Variants in FOXP1 observed in about 807,000 individuals in gnomAD.
FOXP1 encodes the protein forkhead box P1.
Under a neutral mutation model 98.2 loss-of-function variants are expected in FOXP1, and 15 were observed. The ratio of observed to expected loss-of-function variants is 0.15; its 90% CI spans 0.10 to 0.24. The LOEUF is 0.24. Among genes scored for constraint, FOXP1 ranks in the 10% least tolerant of loss-of-function variants. The probability of loss-of-function intolerance (pLI) is 1.00; values close to 1 mark genes in which losing one functional copy is unlikely to be tolerated. For missense variants in FOXP1, 633 were observed against 848.5 expected (o/e 0.75, Z 3.15); for synonymous variants, 371 against 314.5 (o/e 1.18, Z -1.90).
At chr3:71,194,316 G>C (rs888451890) in intron 6 of FOXP1, among the ~76,000 whole-genome samples, 5 of 151,432 alleles carry the variant, frequency 3.3e-5, no homozygotes, top group Non-Finnish European at 7.4e-5. Flanking sequence ...TCATTAAATG[G>C]AATGTTGTTA....
chr3:71,081,193 G>A (rs979854408), intron 7 of FOXP1, among the ~76,000 whole-genome samples: 8 of 152,186 alleles, frequency 5.3e-5, no homozygotes, highest in Non-Finnish European at 1.0e-4. Flanking sequence ...TTCAGATCCC[G>A]TGGCAATCTG....
In FOXP1 at chr3:71,564,195, T is replaced by C. The variant is rs551028961; in HGVS notation, c.-298+17354A>G. ...CAGCAATAAGGTAATTAACCTGATGTTCCAAAGCTCATGCCACATATACAA... is the reference window on the plus strand; with the variant it reads ...CAGCAATAAGGTAATTAACCTGATGCTCCAAAGCTCATGCCACATATACAA... On this transcript the variant is annotated intron_variant, in intron 2 of 20. Transcript: ENST00000649528. Among the ~76,000 whole-genome samples the C allele has an allele frequency of 5.9e-5, 9 of 152,344 alleles. No homozygotes were observed. In the East Asian group the frequency reaches 1.3e-3, roughly 23 times the overall value.
intron 6 of FOXP1, among the ~76,000 whole-genome samples, chr3:71,160,998 G>A (rs2061105802): frequency 6.6e-6 from 1 of 152,160 alleles, no homozygotes; most frequent in Non-Finnish European, 1.5e-5. Context: ...CAGGTACAAA[G>A]CATAGAGTAT....
chr3:71,363,762 A>G (rs567403352), intron 3 of FOXP1, among the ~76,000 whole-genome samples: 3 of 152,206 alleles, frequency 2.0e-5, no homozygotes, highest in Non-Finnish European at 4.4e-5. Context: ...GCTGGAATGC[A>G]TTTCCCAGCA....
chr3:71,108,172 A>C (rs2057599694), intron 7 of FOXP1, among the ~76,000 whole-genome samples: 8 of 152,208 alleles, frequency 5.3e-5, no homozygotes, highest in Admixed American at 5.2e-4. Flanking sequence ...TTTCTTTCCT[A>C]ACTTTAATGC....
chr3:71,155,258 C>T (rs1357971338), intron 6 of FOXP1, among the ~76,000 whole-genome samples: 6 of 152,152 alleles, frequency 3.9e-5, no homozygotes, highest in Non-Finnish European at 1.5e-5. Context: ...TGCTCGGGTG[C>T]CCTCTGAAAC....
intron 6 of FOXP1, among the ~76,000 whole-genome samples, chr3:71,161,491 C>T (rs908251101): frequency 1.3e-5 from 2 of 152,232 alleles, no homozygotes; most frequent in African/African-American, 4.8e-5. Context: ...AGCCACCAGG[C>T]TTGGAACTGG....
chr3:70,983,303 T>C (rs188348826), intron 14 of FOXP1, among the ~76,000 whole-genome samples: 20 of 152,230 alleles, frequency 1.3e-4, no homozygotes, highest in African/African-American at 4.6e-4. Flanking sequence ...GGGCACTTAA[T>C]GAAAAACAGT....
At position 71,300,141 on chromosome 3, in the gene FOXP1, C is replaced by T. The variant is rs11928369; in HGVS notation, c.-72-261G>A. On this transcript the variant is annotated intron_variant, in intron 4 of 20. Coordinates refer to ENST00000649528, the MANE Select transcript of FOXP1 (RefSeq NM_001349338.3). ...ATGTTGTGTATCAACTTTTTCTCAT[C>T]TTGTTGTCTATCGATTTATTTTCAT... Among the ~76,000 whole-genome samples, 523 of 152,244 alleles carry T rather than the reference C, an allele frequency of 3.4e-3. 3 individuals are homozygous for T. The highest frequency in any genetic ancestry group is 0.012 in the African/African-American group (504 of 41,552).
chr3:71,251,728 G>C (rs2068204869), intron 5 of FOXP1, among the ~76,000 whole-genome samples: 1 of 152,208 alleles, frequency 6.6e-6, no homozygotes, highest in African/African-American at 2.4e-5. Flanking sequence ...TACCCACACT[G>C]TCTTGATACC....
At chr3:71,330,659 T>C (rs2076235773) in intron 4 of FOXP1, among the ~76,000 whole-genome samples, 1 of 152,228 alleles carries the variant, frequency 6.6e-6, no homozygotes, top group African/African-American at 2.4e-5. Context: ...TAATAGTAGA[T>C]TGCCTTAATA....
chr3:71,047,470 G>C (rs1015913254), intron 9 of FOXP1, among the ~76,000 whole-genome samples: 1 of 152,192 alleles, frequency 6.6e-6, no homozygotes, highest in Non-Finnish European at 1.5e-5. Flanking sequence ...CCGAACCTTT[G>C]AGGTGTAAAA....
At chr3:71,017,007 TA>T (rs1175509162) in intron 11 of FOXP1, among the ~76,000 whole-genome samples, 2 of 132,948 alleles carry the variant, frequency 1.5e-5, no homozygotes, top group Non-Finnish European at 3.3e-5. Flanking sequence ...GGTCTTAGAA[TA>T]AAAAAAAAGG....
chr3:71,192,777 G>A (rs2063065859), intron 6 of FOXP1, among the ~76,000 whole-genome samples: 1 of 152,110 alleles, frequency 6.6e-6, no homozygotes, highest in South Asian at 2.1e-4. Flanking sequence ...AGCCTCATGA[G>A]TAGCTGGGAC....
chr3:71,225,327 C>G (rs1245765524), intron 5 of FOXP1, among the ~76,000 whole-genome samples: 1 of 152,196 alleles, frequency 6.6e-6, no homozygotes, highest in Non-Finnish European at 1.5e-5. Flanking sequence ...TCATAAACTA[C>G]TAGTGTAGCT....
At chr3:71,047,510 C>G (rs554035930) in intron 9 of FOXP1, among the ~76,000 whole-genome samples, 1 of 152,156 alleles carries the variant, frequency 6.6e-6, no homozygotes, top group Non-Finnish European at 1.5e-5. Context: ...CTGCCTGCAC[C>G]GGCAGAAGCT....
chr3:71,252,143 C>T (rs530542236), intron 5 of FOXP1, among the ~76,000 whole-genome samples: 5 of 152,256 alleles, frequency 3.3e-5, no homozygotes, highest in African/African-American at 7.2e-5. Context: ...TCTCTCTCAC[C>T]GCTCTGTCCT....
At chr3:71,198,150 A>G in intron 6 of FOXP1, 52 bp downstream of exon 6, 1 of 1,613,726 alleles carries the variant, frequency 6.2e-7, no homozygotes, top group Admixed American at 1.7e-5. Flanking sequence ...AAAATTCAGC[A>G]GTAAAATTCG....
Position 70,956,693 on chromosome 3 carries a change from T to C in FOXP1, c.*2554A>G, listed in dbSNP as rs2031872400. 5.2e-6 allele frequency: 1 copy of C among 192,368 alleles called. No homozygotes were observed. The highest frequency in any genetic ancestry group is 1.1e-5 in the Non-Finnish European group (1 of 94,950). The allele number at this position is 192,368 out of a possible 1,614,324, so 11.9% of individuals were successfully genotyped here. ...ACAGGGCCCCCTTCCCATGACCCTG[T>C]CTGGCTACTGCCTGCACATCATGAA... On this transcript the variant is annotated 3_prime_UTR_variant, in exon 21 of 21. Coordinates refer to ENST00000649528, the MANE Select transcript of FOXP1 (RefSeq NM_001349338.3).
Sources: gnomAD v4.1 joint callset for allele counts (sites outside exome capture counted in the v4.1 genomes callset) on GRCh38, gnomAD v4.1.1 for gene constraint, MANE v1.5 for transcripts, NCBI Gene and HGNC (gene_info 2026-07-23, HGNC 2026-07-21) for gene names.